Variants in FYB1 observed in about 807,000 individuals in gnomAD.
FYB1 encodes FYN-binding protein 1.
FYB1 carries 41 observed loss-of-function variants against 94.1 expected under a neutral mutation model. That is an observed-to-expected ratio of 0.44 (90% confidence interval 0.34 to 0.57). FYB1 has a LOEUF of 0.57. Ranked by LOEUF, FYB1 falls within the 20% of genes least tolerant of loss-of-function variation. The pLI, the probability that FYB1 is intolerant of heterozygous loss-of-function variation, is 0.02. For missense variants in FYB1, 1,050 were observed against 976.8 expected (o/e 1.07, Z -1.00); for synonymous variants, 367 against 353.2 (o/e 1.04, Z -0.44).
chr5:39,200,453 G>A (rs1420462378), intron 2 of FYB1, among the ~76,000 whole-genome samples: 1 of 152,170 alleles, frequency 6.6e-6, no homozygotes, highest in African/African-American at 2.4e-5. Context: ...GCCATAAAAT[G>A]GAGGTCATAA....
At chr5:39,237,336 G>A (rs1470030395) in intron 1 of FYB1, among the ~76,000 whole-genome samples, 1 of 151,992 alleles carries the variant, frequency 6.6e-6, no homozygotes, top group Non-Finnish European at 1.5e-5. Flanking sequence ...GAAGTAAAAG[G>A]GCAAATACGA....
chr5:39,139,734 G>C (rs1218993713), intron 4 of FYB1: 3 of 152,044 alleles, frequency 2.0e-5, no homozygotes, highest in Non-Finnish European at 4.4e-5. Flanking sequence ...CCAATATTAA[G>C]AGCAATAATA....
At chr5:39,194,615 A>T (rs571585993) in intron 2 of FYB1, among the ~76,000 whole-genome samples, 5 of 152,326 alleles carry the variant, frequency 3.3e-5, no homozygotes, top group Admixed American at 6.5e-5. Context: ...AGACCAACGG[A>T]TGCTGCTGGG....
chr5:39,134,359 A>G lies in FYB1; in HGVS notation c.1676-10T>C. ...GTTTTAATATAGCCATCTACCAAAAAGGGAAATATTTATGTTCAGGCAACT... is the reference window on the plus strand; with the variant it reads ...GTTTTAATATAGCCATCTACCAAAAGGGGAAATATTTATGTTCAGGCAACT... On this transcript the variant is annotated splice_polypyrimidine_tract_variant and intron_variant, in intron 8 of 18. Transcript: ENST00000512982. 6.3e-7 allele frequency: 1 copy of G among 1,582,622 alleles called. No homozygotes were observed. The highest frequency in any genetic ancestry group is 2.3e-5 in the East Asian group (1 of 44,294).
intron 9 of FYB1, among the ~76,000 whole-genome samples, chr5:39,131,332 CATT>C (rs1741189290): frequency 6.6e-6 from 1 of 152,176 alleles, no homozygotes; most frequent in Non-Finnish European, 1.5e-5. Context: ...TCAATTCCCT[CATT>C]ATACAGAAAA....
intron 2 of FYB1, among the ~76,000 whole-genome samples, chr5:39,165,999 G>A (rs796733490): frequency 1.3e-5 from 2 of 152,328 alleles, no homozygotes; most frequent in African/African-American, 4.8e-5. Flanking sequence ...AGGATGTCGA[G>A]TAAAGGGAAT....
chr5:39,134,940 G>T lies in FYB1; in HGVS notation c.1590C>A (p.Ser530Arg). Residue 530 changes from serine (S) to arginine (R), a missense_variant, in exon 8 of 19, where the codon AGC becomes AGA. Ser to Arg is a moderately radical substitution (Grantham distance 110). Coordinates refer to ENST00000512982, the MANE Select transcript of FYB1 (RefSeq NM_001465.6). ...TTTCAATTTGCTCTCCTTGCTTGAAGCTCAGTTCATTCTTTCCTCCTTTGA... is the reference window on the plus strand; with the variant it reads ...TTTCAATTTGCTCTCCTTGCTTGAATCTCAGTTCATTCTTTCCTCCTTTGA... ...CDVKGGKNEL[S>R]FKQGEQIEII... is the part of the protein sequence containing the mutation. The T allele has an allele frequency of 6.2e-7, 1 of 1,613,904 alleles. No homozygotes were observed. Among genetic ancestry groups the T allele is most frequent in the Non-Finnish European group, 8.5e-7 (1 of 1,179,854 alleles).
At chr5:39,148,161 A>G (rs1167669850) in intron 3 of FYB1, among the ~76,000 whole-genome samples, 1 of 6,610 alleles carries the variant, frequency 1.5e-4, no homozygotes, top group South Asian at 3.7e-3. Flanking sequence ...TTTTTTATAT[A>G]TATATATATA....
chr5:39,147,759 C>T (rs1477439891), intron 3 of FYB1, among the ~76,000 whole-genome samples: 1 of 147,640 alleles, frequency 6.8e-6, no homozygotes, highest in Non-Finnish European at 1.5e-5. Context: ...AGGCTCACTG[C>T]AAGCTCCGCC....
At chr5:39,183,192 G>A (rs1746419528) in intron 2 of FYB1, among the ~76,000 whole-genome samples, 1 of 152,034 alleles carries the variant, frequency 6.6e-6, no homozygotes, top group African/African-American at 2.4e-5. Flanking sequence ...CTCCATGTTG[G>A]TCAGGCTGGT....
upstream of FYB1, among the ~76,000 whole-genome samples, chr5:39,222,865 T>C (rs1750327381): frequency 6.6e-6 from 1 of 152,292 alleles, no homozygotes; most frequent in Non-Finnish European, 1.5e-5. Flanking sequence ...ATGATGCTGA[T>C]AATTACATTT....
At chr5:39,123,683 T>A (rs1740347752) in intron 13 of FYB1, among the ~76,000 whole-genome samples, 2 of 152,158 alleles carry the variant, frequency 1.3e-5, no homozygotes, top group South Asian at 4.1e-4. Context: ...ATAAATAAAC[T>A]TTTTGAAAGC....
intron 11 of FYB1, among the ~76,000 whole-genome samples, chr5:39,127,450 CAAAAAAAAAAAA>C (rs34709432): frequency 6.0e-5 from 4 of 66,440 alleles, no homozygotes; most frequent in Non-Finnish European, 1.4e-4. Flanking sequence ...GACTCTGTCT[CAAAAAAAAAAAA>C]AAAAAAAAAA....
intron 1 of FYB1, among the ~76,000 whole-genome samples, chr5:39,235,287 T>C (rs994662794): frequency 1.1e-4 from 16 of 151,686 alleles, no homozygotes; most frequent in African/African-American, 3.9e-4. Flanking sequence ...GCTTTTTTTT[T>C]TTCACAGTCA....
In FYB1 at chr5:39,142,926, C is replaced by T. The variant is rs149955156; in HGVS notation, c.1293-1785G>A. Among the ~76,000 whole-genome samples the T allele has an allele frequency of 3.8e-3, 572 of 152,268 alleles. 4 individuals are homozygous for T. The highest frequency in any genetic ancestry group is 6.7e-3 in the Admixed American group (103 of 15,302). ...TTTCCATGAGAAATAGCTCCTGGCT[C>T]GCTTCTTGTCTCTCTGGCTACTACC... is the stretch of plus-strand genomic sequence containing the variant. On this transcript the variant is annotated intron_variant, in intron 3 of 18. Transcript: ENST00000512982.
intron 9 of FYB1, 108 bp from the exon 10 acceptor site, chr5:39,130,720 C>A (rs190327961): frequency 1.0e-5 from 9 of 885,228 alleles, no homozygotes; most frequent in Middle Eastern, 2.6e-4. Flanking sequence ...ACATTCCAGT[C>A]GAAAGTTCTT....
rs1437021854 is a variant in FYB1, at chr5:39,202,046, G to C, written c.915C>G (p.Ala305=). ...FQSKINQEEL[A]SGTPPARFPK... Reference sequence around the variant, plus strand: ...GGAACCTGGCAGGAGGAGTCCCTGAGGCCAACTCTTCCTGATTTATTTTGC... The same window carrying C: ...GGAACCTGGCAGGAGGAGTCCCTGACGCCAACTCTTCCTGATTTATTTTGC... The change falls in exon 2 of 19, where the codon GCC becomes GCG. Residue 305 remains alanine (A), a synonymous_variant. Coordinates refer to ENST00000512982, the MANE Select transcript of FYB1 (RefSeq NM_001465.6). 7 of 1,613,912 alleles carry C rather than the reference G, an allele frequency of 4.3e-6. No individual in the cohort carries two copies. The African/African-American group carries it at 9.3e-5, about 22-fold the overall frequency.
intron 1 of FYB1, among the ~76,000 whole-genome samples, chr5:39,239,042 A>G (rs1370236261): frequency 1.3e-5 from 2 of 152,166 alleles, no homozygotes; most frequent in Non-Finnish European, 2.9e-5. Context: ...CGCTACACAA[A>G]TAGAACTAAA....
chr5:39,182,363 T>C (rs936991162), intron 2 of FYB1, among the ~76,000 whole-genome samples: 1 of 150,544 alleles, frequency 6.6e-6, no homozygotes, highest in Non-Finnish European at 1.5e-5. Context: ...TCAAGTATCA[T>C]GTACCGGTGC....
Sources: allele counts gnomAD v4.1 joint callset (sites outside exome capture counted in the v4.1 genomes callset), GRCh38; gene constraint gnomAD v4.1.1; transcripts MANE v1.5; gene names NCBI Gene and HGNC (gene_info 2026-07-23, HGNC 2026-07-21).